The following DCC variants were observed in gnomAD, a reference collection of about 807,000 sequenced individuals.
The protein encoded by DCC is netrin receptor DCC.
In DCC, 58 loss-of-function variants were observed where a neutral mutation model predicts 172.5. The observed-to-expected ratio is 0.34, with a 90% CI of 0.27 to 0.42. DCC has a LOEUF of 0.42. DCC is among the 10% of genes least tolerant of loss of function. The probability of loss-of-function intolerance (pLI) is 1.00; values close to 1 mark genes in which losing one functional copy is unlikely to be tolerated. For synonymous variants in DCC, 709 were observed against 644.5 expected (o/e 1.10, Z -1.52); for missense variants, 1,740 against 1,791.0 (o/e 0.97, Z 0.51).
intron 1 of DCC, among the ~76,000 whole-genome samples, chr18:52,513,133 G>A: frequency 6.6e-6 from 1 of 152,298 alleles, no homozygotes; most frequent in African/African-American, 2.4e-5. Context: ...GTCTATTATA[G>A]TTCTCCTAGG....
At chr18:52,568,084 G>C (rs1316672160) in intron 1 of DCC, among the ~76,000 whole-genome samples, 1 of 152,052 alleles carries the variant, frequency 6.6e-6, no homozygotes, top group South Asian at 2.1e-4. Context: ...TTAGTACTTG[G>C]GGGGTGCACT....
rs367602679 is a variant in DCC, at chr18:52,490,512, C to T, written c.91+149634C>T. ...ACTGAGACTAAGACAAATAAAATAG[C>T]TGGTTTTAACTAATTGGGAGCAGAG... On this transcript the variant is annotated intron_variant, in intron 1 of 28. Transcript: ENST00000442544. Among the ~76,000 whole-genome samples, 8 of 152,164 alleles carry T rather than the reference C, an allele frequency of 5.3e-5. No homozygotes were observed. In the East Asian group the frequency reaches 1.4e-3, roughly 26 times the overall value.
At chr18:52,506,287 C>T (rs144440106) in intron 1 of DCC, among the ~76,000 whole-genome samples, 8 of 152,096 alleles carry the variant, frequency 5.3e-5, no homozygotes, top group African/African-American at 1.7e-4. Flanking sequence ...TTAATGTTCA[C>T]GATTCAATAT....
chr18:52,394,777 C>T (rs906063224), intron 1 of DCC, among the ~76,000 whole-genome samples: 2 of 151,954 alleles, frequency 1.3e-5, no homozygotes, highest in African/African-American at 4.8e-5. Context: ...AAACTGAAAC[C>T]AGAGGAGCCC....
intron 12 of DCC, among the ~76,000 whole-genome samples, chr18:53,261,983 T>A (rs2056610402): frequency 6.6e-6 from 1 of 152,202 alleles, no homozygotes; most frequent in Non-Finnish European, 1.5e-5. Context: ...TCAGGCTGTG[T>A]GAGAGAAGAT....
chr18:52,875,436 G>A (rs1339180829), intron 2 of DCC, among the ~76,000 whole-genome samples: 1 of 152,144 alleles, frequency 6.6e-6, no homozygotes, highest in African/African-American at 2.4e-5. Context: ...GAGAGATAGA[G>A]ATGTGAAATG....
intron 12 of DCC, among the ~76,000 whole-genome samples, chr18:53,247,528 C>A (rs1207408731): frequency 1.3e-5 from 2 of 151,888 alleles, no homozygotes; most frequent in Non-Finnish European, 2.9e-5. Context: ...ACAATACAGG[C>A]TTTGACAATT....
chr18:52,568,135 A>G (rs2033205814), intron 1 of DCC, among the ~76,000 whole-genome samples: 2 of 152,100 alleles, frequency 1.3e-5, no homozygotes, highest in African/African-American at 4.8e-5. Context: ...AGTTTTTCTA[A>G]ATTCTTTTGA....
intron 1 of DCC, among the ~76,000 whole-genome samples, chr18:52,738,074 G>A (rs1040104907): frequency 6.6e-6 from 1 of 152,028 alleles, no homozygotes; most frequent in Non-Finnish European, 1.5e-5. Context: ...TACCATCCTC[G>A]GTTTTGCCTC....
chr18:53,107,777 C>T (rs1424897058), intron 7 of DCC, among the ~76,000 whole-genome samples: 2 of 151,802 alleles, frequency 1.3e-5, no homozygotes, highest in African/African-American at 2.4e-5. Flanking sequence ...TGTTTGCCAT[C>T]GTATAATAGC....
At chr18:52,569,790 C>T (rs969341230) in intron 1 of DCC, among the ~76,000 whole-genome samples, 5 of 152,006 alleles carry the variant, frequency 3.3e-5, no homozygotes, top group Non-Finnish European at 5.9e-5. Flanking sequence ...TATGTTATAG[C>T]TAGAGAAAGA....
At chr18:52,729,128 G>T (rs1421878048) in intron 1 of DCC, among the ~76,000 whole-genome samples, 1 of 152,128 alleles carries the variant, frequency 6.6e-6, no homozygotes, top group Non-Finnish European at 1.5e-5. Context: ...ACTGAAATAG[G>T]CAGTAGGTAG....
intron 7 of DCC, among the ~76,000 whole-genome samples, chr18:53,081,719 A>C (rs148314515): frequency 3.3e-5 from 5 of 151,998 alleles, no homozygotes; most frequent in Admixed American, 2.0e-4. Context: ...CGCTTTTTCT[A>C]TCTCGGGTGG....
At chr18:53,492,478 T>C (rs1314953935) in intron 26 of DCC, among the ~76,000 whole-genome samples, 1 of 152,194 alleles carries the variant, frequency 6.6e-6, no homozygotes, top group Non-Finnish European at 1.5e-5. Flanking sequence ...GAGTTAATTT[T>C]TGTATAAGGT....
chr18:53,527,292 C>A (rs1255580779), intron 28 of DCC, among the ~76,000 whole-genome samples: 1 of 151,302 alleles, frequency 6.6e-6, no homozygotes, highest in Non-Finnish European at 1.5e-5. Context: ...AATCATAGTG[C>A]ACTACAGCCC....
At chr18:52,852,244 C>T (rs894151409) in intron 2 of DCC, among the ~76,000 whole-genome samples, 2 of 151,974 alleles carry the variant, frequency 1.3e-5, no homozygotes, top group Non-Finnish European at 2.9e-5. Flanking sequence ...AAGGATATTG[C>T]ATCAATATAC....
At chr18:52,425,828 C>T (rs1471337727) in intron 1 of DCC, among the ~76,000 whole-genome samples, 1 of 152,102 alleles carries the variant, frequency 6.6e-6, no homozygotes, top group Non-Finnish European at 1.5e-5. Context: ...ATTAAGTTCT[C>T]ATACATAATA....
intron 2 of DCC, among the ~76,000 whole-genome samples, chr18:52,897,118 G>T (rs1598908508): frequency 6.6e-6 from 1 of 152,290 alleles, no homozygotes; most frequent in Non-Finnish European, 1.5e-5. Flanking sequence ...TGGTCATGGG[G>T]ATTATAGGAG....
At chr18:53,308,627 T>C (rs1427023210) in intron 13 of DCC, among the ~76,000 whole-genome samples, 1 of 152,160 alleles carries the variant, frequency 6.6e-6, no homozygotes, top group Non-Finnish European at 1.5e-5. Flanking sequence ...TGAGTTATTT[T>C]GGCAAATGGA....
Sources: gnomAD v4.1 joint callset for allele counts (sites outside exome capture counted in the v4.1 genomes callset) on GRCh38, gnomAD v4.1.1 for gene constraint, MANE v1.5 for transcripts, NCBI Gene and HGNC (gene_info 2026-07-23, HGNC 2026-07-21) for gene names.